The following FAM171B variants were observed in gnomAD, a reference collection of about 807,000 sequenced individuals.
FAM171B encodes protein FAM171B.
FAM171B carries 19 observed loss-of-function variants against 75.6 expected under a neutral mutation model. The ratio of observed to expected loss-of-function variants is 0.25; its 90% confidence interval spans 0.18 to 0.37. The LOEUF (loss-of-function observed/expected upper bound fraction) is 0.37. FAM171B is among the 10% of genes least tolerant of loss of function. FAM171B has a pLI of 1.00. For synonymous variants in FAM171B, 367 were observed against 361.7 expected (o/e 1.01, Z -0.17); for missense variants, 848 against 982.4 (o/e 0.86, Z 1.83).
chr2:186,742,482 A>G (rs1224114605), intron 2 of FAM171B, among the ~76,000 whole-genome samples: 1 of 152,118 alleles, frequency 6.6e-6, no homozygotes, highest in African/African-American at 2.4e-5. Context: ...ATGGAAGGAG[A>G]AAAGTATATT....
At chr2:186,746,137 T>A (rs1343806173) in intron 3 of FAM171B, among the ~76,000 whole-genome samples, 1 of 152,230 alleles carries the variant, frequency 6.6e-6, no homozygotes, top group African/African-American at 2.4e-5. Context: ...GGTGTAAGAG[T>A]TGATCTTTGA....
intron 2 of FAM171B, among the ~76,000 whole-genome samples, chr2:186,742,691 G>A (rs1397467573): frequency 3.9e-5 from 6 of 152,122 alleles, no homozygotes; most frequent in African/African-American, 9.7e-5. Flanking sequence ...ACGAGAACTC[G>A]TGCTTTGGGA....
intron 1 of FAM171B, among the ~76,000 whole-genome samples, chr2:186,729,391 C>T (rs771011507): frequency 1.3e-4 from 20 of 151,638 alleles, no homozygotes; most frequent in Non-Finnish European, 1.9e-4. Flanking sequence ...GGCTGAAAAT[C>T]AGATATTTAA....
chr2:186,709,047 A>G (rs1260638053), intron 1 of FAM171B, among the ~76,000 whole-genome samples: 1 of 152,140 alleles, frequency 6.6e-6, no homozygotes, highest in African/African-American at 2.4e-5. Context: ...CAGTCATAGT[A>G]GAAGGCAAAG....
At chr2:186,719,325 C>T (rs1178765202) in intron 1 of FAM171B, among the ~76,000 whole-genome samples, 1 of 152,086 alleles carries the variant, frequency 6.6e-6, no homozygotes, top group Non-Finnish European at 1.5e-5. Context: ...ATACTTTGCG[C>T]ATTGATAGAA....
rs561971427 is a variant in FAM171B, at chr2:186,696,517, GTC to G, written c.238+2113_238+2114del. ...GCCCACACTCCTCCAATGGCTTCCC[GTC>G]TCTCTCATACTAGATGCCCAGATCG... On this transcript the variant is annotated intron_variant, in intron 1 of 7. Coordinates refer to ENST00000304698, the MANE Select transcript of FAM171B (RefSeq NM_177454.4). 6.5e-5 allele frequency among the ~76,000 whole-genome samples: 9 copies of G among 138,118 alleles called. No homozygotes were observed. The South Asian group carries it at 2.3e-3, about 35-fold the overall frequency. 90.6% of individuals were successfully genotyped at this position (138,118 alleles called of 152,430 possible). A position where few individuals can be genotyped will look rare whatever the true frequency, so the allele number is the denominator to read the frequency against.
intron 1 of FAM171B, among the ~76,000 whole-genome samples, chr2:186,731,289 G>T (rs746554519): frequency 6.6e-6 from 1 of 152,206 alleles, no homozygotes; most frequent in Non-Finnish European, 1.5e-5. Flanking sequence ...TTATTATGTA[G>T]TTCACAGATC....
chr2:186,747,081 C>T lies in FAM171B; in HGVS notation c.566-11C>T. 6.4e-7 allele frequency: 1 copy of T among 1,554,876 alleles called. No homozygotes were observed. The highest frequency in any genetic ancestry group is 2.4e-5 in the East Asian group (1 of 42,372). Reference sequence around the variant, plus strand: ...TTTATCTCTTTGTTAATGAGGTTTCCTTTTTTCCAGATGCCAAGTCTCAAC... The same window carrying T: ...TTTATCTCTTTGTTAATGAGGTTTCTTTTTTTCCAGATGCCAAGTCTCAAC... On this transcript the variant is annotated splice_polypyrimidine_tract_variant and intron_variant, in intron 3 of 7. Transcript: ENST00000304698.
At chr2:186,754,791 C>T (rs1690507705) in intron 6 of FAM171B, among the ~76,000 whole-genome samples, 1 of 152,128 alleles carries the variant, frequency 6.6e-6, no homozygotes. Context: ...GAATGAGACC[C>T]AACACAAATT....
intron 1 of FAM171B, among the ~76,000 whole-genome samples, chr2:186,714,059 G>A (rs1207880910): frequency 3.3e-5 from 5 of 151,956 alleles, no homozygotes; most frequent in African/African-American, 4.8e-5. Flanking sequence ...GCTAGCCTTG[G>A]CATTGTGTTG....
At chr2:186,732,747 A>G (rs1690137804) in intron 1 of FAM171B, among the ~76,000 whole-genome samples, 8 of 152,204 alleles carry the variant, frequency 5.3e-5, no homozygotes, top group Admixed American at 5.2e-4. Context: ...CTGCATGTGC[A>G]GTGTGTTTAT....
At chr2:186,757,324 G>A (rs1237702288) in intron 6 of FAM171B, among the ~76,000 whole-genome samples, 1 of 152,006 alleles carries the variant, frequency 6.6e-6, no homozygotes, top group African/African-American at 2.4e-5. Context: ...TAGAACAAAA[G>A]ACACTCCTAG....
At chr2:186,760,553 A>G (rs1226570648) in intron 6 of FAM171B, among the ~76,000 whole-genome samples, 1 of 152,072 alleles carries the variant, frequency 6.6e-6, no homozygotes, top group African/African-American at 2.4e-5. Context: ...TTGGGTCACC[A>G]GTTTTACGGC....
chr2:186,761,919 A>G lies in FAM171B; in HGVS notation c.1577A>G (p.His526Arg). The change falls in exon 8 of 8, where the codon CAT becomes CGT. Residue 526 changes from histidine to arginine, a missense_variant. His to Arg is a conservative substitution (Grantham distance 29). Around this residue, in one of 3 missense-constraint regions of FAM171B, gnomAD observed 665 missense variants for 729.0 expected, o/e 0.91. Coordinates refer to ENST00000304698, the MANE Select transcript of FAM171B (RefSeq NM_177454.4). ...AATGAGGAGGCGTATGGGCGTTCCCATATTCCTGAACAGCTTATGCATATT... is the reference window on the plus strand; with the variant it reads ...AATGAGGAGGCGTATGGGCGTTCCCGTATTCCTGAACAGCTTATGCATATT... ...TGNEEAYGRS[H>R]IPEQLMHIYS... 3 of 1,613,298 alleles carry G rather than the reference A, an allele frequency of 1.9e-6. No individual in the cohort carries two copies. The highest frequency in any genetic ancestry group is 2.5e-6 in the Non-Finnish European group (3 of 1,179,708).
intron 6 of FAM171B, among the ~76,000 whole-genome samples, chr2:186,756,701 G>A (rs544845671): frequency 9.9e-5 from 15 of 152,162 alleles, no homozygotes; most frequent in Admixed American, 2.0e-4. Flanking sequence ...TACAGTTTGC[G>A]TCAGACCCCT....
chr2:186,720,700 C>CAAAA (rs71411184), intron 1 of FAM171B, among the ~76,000 whole-genome samples: 55 of 110,230 alleles, frequency 5.0e-4, no homozygotes, highest in African/African-American at 1.5e-3. Flanking sequence ...AGATCATGTA[C>CAAAA]AAAAAAAAAA....
chr2:186,724,318 C>A, intron 1 of FAM171B, among the ~76,000 whole-genome samples: 1 of 152,102 alleles, frequency 6.6e-6, no homozygotes, highest in East Asian at 1.9e-4. Context: ...ATGATATACA[C>A]ACGATTTATG....
In FAM171B at chr2:186,762,649, A is replaced by G; in HGVS notation, c.2307A>G (p.Gly769=). Residue 769 remains glycine, a synonymous_variant, in exon 8 of 8, where the codon GGA becomes GGG. Coordinates refer to ENST00000304698, the MANE Select transcript of FAM171B (RefSeq NM_177454.4). This position sits in a 1 kb window ranked among gnomAD's most constrained non-coding sequence, Gnocchi z 4.0. ...GGCACATCCTAGATGGAGGGAGTGG[A>G]GTGATCATGGAGCACCCTGGAGAAG... ...ALRHILDGGS[G]VIMEHPGEES... The G allele has an allele frequency of 6.2e-7, 1 of 1,613,382 alleles. No individual in the cohort carries two copies.
At chr2:186,698,262 G>T (rs1427704578) in intron 1 of FAM171B, among the ~76,000 whole-genome samples, 1 of 152,148 alleles carries the variant, frequency 6.6e-6, no homozygotes, top group African/African-American at 2.4e-5. Context: ...AGGGATCATA[G>T]AAATGTCTTT....
Sources: allele counts gnomAD v4.1 joint callset (sites outside exome capture counted in the v4.1 genomes callset), GRCh38; gene constraint gnomAD v4.1.1; regional missense constraint gnomAD v4.1.1; non-coding constraint Gnocchi (gnomAD v3.1); transcripts MANE v1.5; gene names NCBI Gene and HGNC (gene_info 2026-07-23, HGNC 2026-07-21).